ZNF616: variants seen among roughly 807,000 people sequenced by gnomAD.
The protein encoded by ZNF616 is zinc finger protein 616.
Under a neutral mutation model 7.6 loss-of-function variants are expected in ZNF616, and 5 were observed. That is an observed-to-expected ratio of 0.66 (90% CI 0.34 to 1.38). The LOEUF is 1.38. Among genes scored for constraint, ZNF616 ranks in the 40% most tolerant of loss-of-function variants. ZNF616 has a pLI of 0.04. For missense variants in ZNF616, 913 were observed against 948.3 expected, an observed-to-expected ratio of 0.96 and a Z score of 0.49; for synonymous variants, 319 against 317.2, an observed-to-expected ratio of 1.01 and a Z score of -0.06.
intron 2 of ZNF616, among the ~76,000 whole-genome samples, chr19:52,129,259 A>C (rs1048598373): frequency 6.6e-6 from 1 of 152,210 alleles, no homozygotes; most frequent in African/African-American, 2.4e-5. Flanking sequence ...GGCCTGGGTG[A>C]CAAGAGCGAG....
At chr19:52,129,015 G>A (rs2088934475) in intron 2 of ZNF616, among the ~76,000 whole-genome samples, 1 of 151,424 alleles carries the variant, frequency 6.6e-6, no homozygotes, top group Non-Finnish European at 1.5e-5. Flanking sequence ...GGTTCACACT[G>A]TAATCCCAGC....
intron 3 of ZNF616, among the ~76,000 whole-genome samples, chr19:52,118,651 A>AC (rs1318367019): frequency 1.3e-5 from 2 of 152,188 alleles, no homozygotes; most frequent in African/African-American, 4.8e-5. Context: ...TGTTTCAACC[A>AC]CCCAATCTAC....
intron 1 of ZNF616, among the ~76,000 whole-genome samples, chr19:52,138,129 A>G (rs1289765194): frequency 1.3e-5 from 2 of 152,208 alleles, no homozygotes; most frequent in East Asian, 1.9e-4. Context: ...TGGGCGACAG[A>G]GACCCTGTCT....
chr19:52,138,108 G>A (rs1439493536), intron 1 of ZNF616, among the ~76,000 whole-genome samples: 2 of 152,126 alleles, frequency 1.3e-5, no homozygotes, highest in Non-Finnish European at 2.9e-5. Context: ...TAATTTTACC[G>A]CACTCCAGCC....
chr19:52,116,731 C>T lies in ZNF616; in HGVS notation c.433G>A (p.Glu145Lys), dbSNP rs1285116837. 1.2e-6 allele frequency: 2 copies of T among 1,614,166 alleles called. No individual in the cohort carries two copies. Among genetic ancestry groups the T allele is most frequent in the East Asian group, 2.2e-5 (1 of 44,874 alleles). Reference protein sequence around the residue: ...HIENQLTSNFESRLAELQKVQ... With the variant: ...HIENQLTSNFKSRLAELQKVQ... The stretch of plus-strand genomic sequence containing the variant: ...TTCTGCAGTTCAGCCAGACGTGACT[C>T]AAAGTTTGATGTAAGCTGGTTTTCA... Residue 145 changes from glutamate (E) to lysine (K), a missense_variant, in exon 4 of 4, where the codon GAG becomes AAG. Physicochemically the swap from Glu to Lys is moderately conservative, Grantham distance 56. Transcript: ENST00000600228.
chr19:52,125,318 A>G (rs1461402561), intron 2 of ZNF616, among the ~76,000 whole-genome samples: 1 of 152,218 alleles, frequency 6.6e-6, no homozygotes, highest in Non-Finnish European at 1.5e-5. Flanking sequence ...CCAGCTGTGA[A>G]CGTGTGAAAT....
At chr19:52,124,333 C>T (rs908626519) in intron 2 of ZNF616, among the ~76,000 whole-genome samples, 1 of 152,154 alleles carries the variant, frequency 6.6e-6, no homozygotes, top group Non-Finnish European at 1.5e-5. Flanking sequence ...ATATTATGCT[C>T]CATACATCAA....
chr19:52,134,166 A>G (rs1014608479), intron 1 of ZNF616, among the ~76,000 whole-genome samples: 4 of 152,188 alleles, frequency 2.6e-5, no homozygotes, highest in African/African-American at 7.2e-5. Flanking sequence ...TGACCCTTGA[A>G]ATAAGTCACG....
intron 3 of ZNF616, 55 bp downstream of exon 3, chr19:52,123,867 GA>G: frequency 6.2e-7 from 1 of 1,608,406 alleles, no homozygotes; most frequent in Non-Finnish European, 8.5e-7. Context: ...GACAACAGAG[GA>G]AATACAAAAA....
rs2088787765 is a variant in ZNF616, at chr19:52,113,386, T to C, written c.*1432A>G. On this transcript the variant is annotated 3_prime_UTR_variant, in exon 4 of 4. Transcript: ENST00000600228. ...ACACTACTGCTTCCAGGTCCTTTCATGTTCAGCATACTTACAGGATTTTTC... is the reference window on the plus strand; with the variant it reads ...ACACTACTGCTTCCAGGTCCTTTCACGTTCAGCATACTTACAGGATTTTTC... 6.6e-6 allele frequency: 1 copy of C among 152,228 alleles called. No individual in the cohort carries two copies. The highest frequency in any genetic ancestry group is 1.5e-5 in the Non-Finnish European group (1 of 68,048). 9.4% of individuals were successfully genotyped at this position (152,228 alleles called of 1,614,324 possible).
chr19:52,131,608 T>C (rs2088961015), intron 1 of ZNF616, among the ~76,000 whole-genome samples: 2 of 152,214 alleles, frequency 1.3e-5, no homozygotes, highest in African/African-American at 4.8e-5. Context: ...CACCTCATTC[T>C]TAAAATGAAA....
chr19:52,134,834 C>T (rs965479014), intron 1 of ZNF616, among the ~76,000 whole-genome samples: 2 of 152,176 alleles, frequency 1.3e-5, no homozygotes, highest in Admixed American at 1.3e-4. Flanking sequence ...CTAGTGGACC[C>T]TCTTGCCTGG....
Position 52,123,912 on chromosome 19 carries a change from A to G in ZNF616, c.139+11T>C. 1 of 1,613,726 alleles carries G rather than the reference A, an allele frequency of 6.2e-7. No homozygotes were observed. Among genetic ancestry groups the G allele is most frequent in the South Asian group, 1.1e-5 (1 of 91,040 alleles). ...GGCGAATCTGAACTTCTAGAAGGAA[A>G]TTATACTCACCTAGGAAGACCAGGT... On this transcript the variant is annotated intron_variant, in intron 3 of 3. Transcript: ENST00000600228.
chr19:52,116,682 TAA>T lies in ZNF616; in HGVS notation c.480_481del (p.Tyr161Ter). On this transcript the variant is annotated frameshift_variant, in exon 4 of 4. Coordinates refer to ENST00000600228, the MANE Select transcript of ZNF616 (RefSeq NM_178523.5). LOFTEE classifies it low-confidence loss of function (END_TRUNC). Reference sequence around the variant, plus strand: ...TGTCTTCTCCGTTTCATTACATTCATAAAGTCTCCCTTCAGTTTGAACTTTCT... The same window carrying T: ...TGTCTTCTCCGTTTCATTACATTCATAGTCTCCCTTCAGTTTGAACTTTCT... 2 of 1,614,178 alleles carry T rather than the reference TAA, an allele frequency of 1.2e-6. No homozygotes were observed. Among genetic ancestry groups the T allele is most frequent in the Non-Finnish European group, 1.7e-6 (2 of 1,180,024 alleles).
At chr19:52,120,576 T>C (rs186610778) in intron 3 of ZNF616, among the ~76,000 whole-genome samples, 175 of 152,310 alleles carry the variant, frequency 1.1e-3, no homozygotes, top group African/African-American at 4.0e-3. Flanking sequence ...AAAAGATTCA[T>C]TTTTATTTGA....
chr19:52,115,397 A>C lies in ZNF616; in HGVS notation c.1767T>G (p.Tyr589Ter), dbSNP rs1025445086. Residue 589 changes from tyrosine (Y) to a stop codon, truncating the protein, a stop_gained, in exon 4 of 4, where the codon TAT (tyrosine) becomes TAG (stop). Coordinates refer to ENST00000600228, the MANE Select transcript of ZNF616 (RefSeq NM_178523.5). LOFTEE classifies it low-confidence loss of function (END_TRUNC). Reference protein sequence around the residue: ...CNECGKVYSQYSHLVGHRRVH... With the variant: ...CNECGKVYSQ ...CTCTTCGATGCCCTACAAGATGTGA[A>C]TACTGACTGTAGACCTTGCCGCATT... is the stretch of plus-strand genomic sequence containing the variant. The C allele has an allele frequency of 6.2e-7, 1 of 1,614,030 alleles. No individual in the cohort carries two copies. Among genetic ancestry groups the C allele is most frequent in the African/African-American group, 1.3e-5 (1 of 74,928 alleles).
At chr19:52,124,266 C>T (rs2088887881) in intron 2 of ZNF616, among the ~76,000 whole-genome samples, 1 of 152,050 alleles carries the variant, frequency 6.6e-6, no homozygotes, top group African/African-American at 2.4e-5. Context: ...TTTTTGTGGA[C>T]AATACAAGAA....
chr19:52,137,140 C>T (rs941866830), intron 1 of ZNF616, among the ~76,000 whole-genome samples: 31 of 151,008 alleles, frequency 2.1e-4, no homozygotes, highest in Admixed American at 9.9e-4. Context: ...AAAATCCTGC[C>T]GGGCACAGTG....
chr19:52,135,761 G>C (rs1428587908), intron 1 of ZNF616, among the ~76,000 whole-genome samples: 3 of 152,122 alleles, frequency 2.0e-5, no homozygotes, highest in African/African-American at 7.2e-5. Context: ...GCAGTATTTT[G>C]TTGGCTGTAC....
Sources: gnomAD v4.1 joint callset for allele counts (sites outside exome capture counted in the v4.1 genomes callset) on GRCh38, gnomAD v4.1.1 for gene constraint, MANE v1.5 for transcripts, NCBI Gene and HGNC (gene_info 2026-07-23, HGNC 2026-07-21) for gene names.